FAF1: variants seen among roughly 807,000 people sequenced by gnomAD.
The protein encoded by FAF1 is FAS-associated factor 1.
A neutral mutation model predicts 92.5 loss-of-function variants in FAF1; 25 were observed. That is an observed-to-expected ratio of 0.27 (90% CI 0.20 to 0.38). The LOEUF (loss-of-function observed/expected upper bound fraction) is 0.38. Ranked by LOEUF, FAF1 falls within the 10% of genes least tolerant of loss-of-function variation. The pLI is 1.00. For synonymous variants in FAF1, 234 were observed against 273.2 expected (o/e 0.86, Z 1.42); for missense variants, 636 against 793.3 (o/e 0.80, Z 2.38).
At chr1:50,928,969 C>A (rs887501368) in intron 1 of FAF1, among the ~76,000 whole-genome samples, 2 of 149,802 alleles carry the variant, frequency 1.3e-5, no homozygotes, top group African/African-American at 2.5e-5. Flanking sequence ...TCTGTGGTGC[C>A]AGCTGCATGG....
chr1:50,694,979 G>A (rs1657126574), intron 7 of FAF1, among the ~76,000 whole-genome samples: 1 of 151,760 alleles, frequency 6.6e-6, no homozygotes, highest in Admixed American at 6.6e-5. Context: ...ATTATGGCAT[G>A]TATTAAATTG....
intron 8 of FAF1, among the ~76,000 whole-genome samples, chr1:50,650,564 C>T (rs918965134): frequency 1.3e-5 from 2 of 151,964 alleles, no homozygotes; most frequent in African/African-American, 4.8e-5. Context: ...AGGTTGCAGT[C>T]AGCTGAGATC....
At chr1:50,921,763 A>G (rs1268265635) in intron 1 of FAF1, among the ~76,000 whole-genome samples, 1 of 152,150 alleles carries the variant, frequency 6.6e-6, no homozygotes, top group Non-Finnish European at 1.5e-5. Flanking sequence ...CCTGGGAAAT[A>G]GAGCAAAGAC....
At chr1:50,880,316 G>A (rs1644601576) in intron 1 of FAF1, among the ~76,000 whole-genome samples, 1 of 152,320 alleles carries the variant, frequency 6.6e-6, no homozygotes, top group East Asian at 1.9e-4. Flanking sequence ...TGGGGGTAGA[G>A]TGAGAGGAAA....
intron 1 of FAF1, among the ~76,000 whole-genome samples, chr1:50,904,062 A>G (rs1644816709): frequency 6.6e-6 from 1 of 152,248 alleles, no homozygotes; most frequent in Admixed American, 6.5e-5. Flanking sequence ...TCCAACAGAT[A>G]TTTGTATATC....
At chr1:50,931,134 T>C (rs1242946939) in intron 1 of FAF1, among the ~76,000 whole-genome samples, 2 of 152,204 alleles carry the variant, frequency 1.3e-5, no homozygotes, top group East Asian at 3.8e-4. Context: ...TACCTTTTGA[T>C]TACTATTTAC....
At chr1:50,738,443 CAAAAA>C (rs533056212) in intron 6 of FAF1, among the ~76,000 whole-genome samples, 2 of 79,078 alleles carry the variant, frequency 2.5e-5, no homozygotes, top group Non-Finnish European at 2.6e-5. Context: ...AACTCCGTCG[CAAAAA>C]AAAAAAAAAA....
At chr1:50,764,791 A>T (rs1199783201) in intron 4 of FAF1, among the ~76,000 whole-genome samples, 1 of 152,246 alleles carries the variant, frequency 6.6e-6, no homozygotes, top group African/African-American at 2.4e-5. Flanking sequence ...CATTACTGCC[A>T]AGAAAAATTT....
intron 8 of FAF1, among the ~76,000 whole-genome samples, chr1:50,650,385 C>T (rs558536611): frequency 1.7e-4 from 26 of 151,462 alleles, no homozygotes; most frequent in Non-Finnish European, 2.9e-4. Flanking sequence ...AGGTGAGGAT[C>T]ACTTGAGGCC....
Position 50,660,536 on chromosome 1 carries a change from G to A in FAF1, c.658-5008C>T, listed in dbSNP as rs1291272459. 3.3e-5 allele frequency among the ~76,000 whole-genome samples: 5 copies of A among 149,620 alleles called. No individual in the cohort carries two copies. The East Asian group carries it at 9.7e-4, about 29-fold the overall frequency. ...TTTCCCAAGACAGTCTTGCTCTGTC[G>A]CCCAGGCCAGAGTGCAGTAGGTTCT... On this transcript the variant is annotated intron_variant, in intron 7 of 18. Coordinates refer to ENST00000396153, the MANE Select transcript of FAF1 (RefSeq NM_007051.3).
At chr1:50,725,918 T>C (rs965249227) in intron 6 of FAF1, among the ~76,000 whole-genome samples, 1 of 152,180 alleles carries the variant, frequency 6.6e-6, no homozygotes, top group Non-Finnish European at 1.5e-5. Flanking sequence ...TATGCTTGAC[T>C]GCAGGACTAG....
At chr1:50,893,006 T>A (rs748498109) in intron 1 of FAF1, among the ~76,000 whole-genome samples, 1 of 152,228 alleles carries the variant, frequency 6.6e-6, no homozygotes, top group African/African-American at 2.4e-5. Flanking sequence ...AGTAGTTCAA[T>A]TGCATTTTCA....
At chr1:50,641,135 T>C (rs990437931) in intron 8 of FAF1, among the ~76,000 whole-genome samples, 3 of 152,028 alleles carry the variant, frequency 2.0e-5, no homozygotes, top group African/African-American at 7.2e-5. Flanking sequence ...CCTGGCCTAA[T>C]TGATCTTTTC....
At chr1:50,747,121 C>A (rs947782708) in intron 4 of FAF1, among the ~76,000 whole-genome samples, 2 of 152,182 alleles carry the variant, frequency 1.3e-5, no homozygotes, top group Non-Finnish European at 2.9e-5. Context: ...AGGTTGGACC[C>A]CCACACACAC....
chr1:50,526,436 AAAT>A (rs199599205), intron 15 of FAF1, among the ~76,000 whole-genome samples: 2,436 of 151,450 alleles, frequency 0.016, 70 homozygotes, highest in African/African-American at 0.055. Flanking sequence ...TCTCTATTAA[AAAT>A]AATAATAATA....
At chr1:50,717,862 A>G (rs962760973) in intron 6 of FAF1, among the ~76,000 whole-genome samples, 1 of 152,164 alleles carries the variant, frequency 6.6e-6, no homozygotes, top group African/African-American at 2.4e-5. Flanking sequence ...AAACAATTGT[A>G]TGTTTATTGT....
chr1:50,462,072 T>A (rs1438374068), intron 18 of FAF1: 1 of 147,088 alleles, frequency 6.8e-6, no homozygotes. Context: ...CAATATTTTA[T>A]ATATATATAT....
chr1:50,559,264 AG>A (rs2149051512), intron 13 of FAF1, among the ~76,000 whole-genome samples: 2 of 152,230 alleles, frequency 1.3e-5, no homozygotes, highest in East Asian at 1.9e-4. Context: ...AAAAAAAAAA[AG>A]GATAATCTGT....
intron 4 of FAF1, among the ~76,000 whole-genome samples, chr1:50,759,457 C>G (rs1051340023): frequency 6.6e-6 from 1 of 151,766 alleles, no homozygotes; most frequent in Non-Finnish European, 1.5e-5. Flanking sequence ...CAATTTCATC[C>G]ATGTCCCTAC....
Sources: gnomAD v4.1 joint callset for allele counts (sites outside exome capture counted in the v4.1 genomes callset) on GRCh38, gnomAD v4.1.1 for gene constraint, MANE v1.5 for transcripts, NCBI Gene and HGNC (gene_info 2026-07-23, HGNC 2026-07-21) for gene names.